HYAL4: variants seen among roughly 807,000 people sequenced by gnomAD.
HYAL4 encodes the protein hyaluronidase-4.
A neutral mutation model predicts 35.2 loss-of-function variants in HYAL4; 37 were observed. That is an observed-to-expected ratio of 1.05 (90% CI 0.81 to 1.38). The LOEUF (loss-of-function observed/expected upper bound fraction) is 1.38, where lower values mean the gene tolerates loss of function less well. Ranked by LOEUF, HYAL4 falls within the 40% of genes most tolerant of loss-of-function variation. The pLI, the probability that HYAL4 is intolerant of heterozygous loss-of-function variation, is 0.00. For synonymous variants in HYAL4, 198 were observed against 203.2 expected (o/e 0.97, Z 0.22); for missense variants, 572 against 572.4 (o/e 1.00, Z 0.01).
At chr7:123,854,836 C>G (rs1027001702) in intron 2 of HYAL4, among the ~76,000 whole-genome samples, 2 of 152,044 alleles carry the variant, frequency 1.3e-5, no homozygotes, top group African/African-American at 4.8e-5. Flanking sequence ...AAGTATCCCA[C>G]TATTATTGTG....
At chr7:123,875,700 C>CA (rs1328129101) in intron 4 of HYAL4, among the ~76,000 whole-genome samples, 1 of 150,166 alleles carries the variant, frequency 6.7e-6, no homozygotes, top group Non-Finnish European at 1.5e-5. Flanking sequence ...TATGGCTCTT[C>CA]AAATTTCTCT....
chr7:123,845,976 G>T (rs932451061), intron 1 of HYAL4, among the ~76,000 whole-genome samples: 4 of 152,184 alleles, frequency 2.6e-5, no homozygotes, highest in Non-Finnish European at 5.9e-5. Context: ...ACTGAGGGTT[G>T]TCTGCACAGA....
rs776902808 is a variant in HYAL4, at chr7:123,876,806, T to C, written c.1097T>C (p.Ile366Thr). ...QFVSSDLGSYIANVTRAAEVC... is the reference protein window; with the variant it reads ...QFVSSDLGSYTANVTRAAEVC... ...GTGAGTTCTGATTTAGGGAGCTACA[T>C]AGCCAATGTGACCAGAGCTGCTGAG... The change falls in exon 5 of 5, where the codon ATA becomes ACA. Residue 366 changes from isoleucine (I) to threonine (T), a missense_variant. Coordinates refer to ENST00000223026, the MANE Select transcript of HYAL4 (RefSeq NM_012269.3). 1.2e-6 allele frequency: 2 copies of C among 1,614,190 alleles called. No individual in the cohort carries two copies. The highest frequency in any genetic ancestry group is 1.1e-5 in the South Asian group (1 of 91,082).
chr7:123,876,340 A>G (rs776271615), intron 4 of HYAL4, among the ~76,000 whole-genome samples: 5 of 152,224 alleles, frequency 3.3e-5, no homozygotes, highest in Non-Finnish European at 5.9e-5. Context: ...CCTGAATGGT[A>G]GCTGAGGGCA....
upstream of HYAL4, among the ~76,000 whole-genome samples, chr7:123,825,416 G>A (rs1266320358): frequency 1.3e-5 from 2 of 152,072 alleles, no homozygotes; most frequent in African/African-American, 4.8e-5. Flanking sequence ...AACTCTAGAA[G>A]CAATAATTAA....
At chr7:123,819,012 A>G in the HYAL4 span, among the ~76,000 whole-genome samples, 1 of 152,154 alleles carries the variant, frequency 6.6e-6, no homozygotes, top group African/African-American at 2.4e-5. Context: ...ACACCATGCT[A>G]TACAATAGAT....
upstream of HYAL4, among the ~76,000 whole-genome samples, chr7:123,828,459 CA>C (rs747463163): frequency 0.048 from 7,239 of 151,064 alleles, 308 homozygotes; most frequent in Non-Finnish European, 0.069. Context: ...CACACACACA[CA>C]CACCTCTAAA....
chr7:123,838,240 C>CTTT (rs61344294), intron 1 of HYAL4, among the ~76,000 whole-genome samples: 4 of 129,540 alleles, frequency 3.1e-5, no homozygotes, highest in African/African-American at 5.6e-5. Context: ...TTTACAGAGC[C>CTTT]TTTTTTTTTT....
Position 123,868,922 on chromosome 7 carries a change from T to C in HYAL4, c.649T>C (p.Tyr217His). The change falls in exon 3 of 5, where the codon TAT becomes CAT. Residue 217 changes from tyrosine to histidine, a missense_variant. Coordinates refer to ENST00000223026, the MANE Select transcript of HYAL4 (RefSeq NM_012269.3). The stretch of plus-strand genomic sequence containing the variant: ...GAGCCGACCCAAAGGCCTTTGGGGT[T>C]ATTATTTATATCCTGATTGCCACAA... The part of the protein sequence containing the change: ...IKSRPKGLWG[Y>H]YLYPDCHNYN... 6.2e-7 allele frequency: 1 copy of C among 1,614,162 alleles called. No homozygotes were observed. Among genetic ancestry groups the C allele is most frequent in the Middle Eastern group, 1.6e-4 (1 of 6,062 alleles).
chr7:123,840,063 A>G (rs151290695), upstream of HYAL4, among the ~76,000 whole-genome samples: 692 of 152,328 alleles, frequency 4.5e-3, 1 homozygote, highest in Non-Finnish European at 5.2e-3. Flanking sequence ...GTCTTTGCCC[A>G]TGCCTATGGC....
chr7:123,835,306 G>A (rs1457726171), intron 1 of HYAL4, among the ~76,000 whole-genome samples: 2 of 152,062 alleles, frequency 1.3e-5, no homozygotes, highest in Admixed American at 6.5e-5. Flanking sequence ...ATTTAAGCTA[G>A]GAGGGTGGTT....
chr7:123,774,359 T>C, the HYAL4 span, among the ~76,000 whole-genome samples: 1 of 152,120 alleles, frequency 6.6e-6, no homozygotes, highest in Non-Finnish European at 1.5e-5. Context: ...TAATTCTTGC[T>C]CCTATGTTTT....
chr7:123,866,789 C>CTTT (rs1009764748), intron 2 of HYAL4, among the ~76,000 whole-genome samples: 66 of 134,180 alleles, frequency 4.9e-4, no homozygotes, highest in African/African-American at 6.3e-4. Context: ...CTTTCTCTCT[C>CTTT]TTTTTTTTTT....
chr7:123,771,804 G>GTTTTTT, the HYAL4 span, among the ~76,000 whole-genome samples: 1 of 136,730 alleles, frequency 7.3e-6, no homozygotes. Context: ...TTGGTTTGAG[G>GTTTTTT]TTTTTTTTTT....
At chr7:123,828,924 A>T (rs1805840155), upstream of HYAL4, 1 of 152,666 alleles carries the variant, frequency 6.6e-6, no homozygotes, top group African/African-American at 2.4e-5. Context: ...ACACTTTGAA[A>T]GTGCTTTAAG....
At chr7:123,791,039 A>G in the HYAL4 span, among the ~76,000 whole-genome samples, 6 of 152,294 alleles carry the variant, frequency 3.9e-5, no homozygotes, top group Admixed American at 6.5e-5. Flanking sequence ...TGCTGGGATT[A>G]CAGTCAGGAG....
At chr7:123,805,712 A>G in the HYAL4 span, among the ~76,000 whole-genome samples, 1 of 152,206 alleles carries the variant, frequency 6.6e-6, no homozygotes, top group East Asian at 1.9e-4. Context: ...CATAGACTCA[A>G]AATCCACTGT....
upstream of HYAL4, among the ~76,000 whole-genome samples, chr7:123,843,066 G>A (rs560019563): frequency 5.3e-5 from 8 of 152,022 alleles, no homozygotes; most frequent in Admixed American, 1.3e-4. Context: ...TATTTTGCCC[G>A]TTGATTGATG....
chr7:123,861,069 C>G (rs916543606), intron 2 of HYAL4, among the ~76,000 whole-genome samples: 1 of 152,144 alleles, frequency 6.6e-6, no homozygotes, highest in Non-Finnish European at 1.5e-5. Flanking sequence ...CCTTTCCTCT[C>G]CACTCTTGTA....
Sources: gnomAD v4.1 joint callset for allele counts (sites outside exome capture counted in the v4.1 genomes callset) on GRCh38, gnomAD v4.1.1 for gene constraint, MANE v1.5 for transcripts, NCBI Gene and HGNC (gene_info 2026-07-23, HGNC 2026-07-21) for gene names.